Variants in SLCO5A1 observed in about 807,000 individuals in gnomAD.
SLCO5A1 encodes organic anion transporter polypeptide-related protein 4.
SLCO5A1 carries 39 observed loss-of-function variants against 65.1 expected under a neutral mutation model. That is an observed-to-expected ratio of 0.60 (90% CI 0.46 to 0.78). SLCO5A1 has a LOEUF of 0.78. SLCO5A1 is among the 30% of genes least tolerant of loss of function. The pLI, the probability that SLCO5A1 is intolerant of heterozygous loss-of-function variation, is 0.00. For synonymous variants in SLCO5A1, 438 were observed against 415.7 expected, an observed-to-expected ratio of 1.05 and a Z score of -0.65; for missense variants, 1,029 against 1,069.4, an observed-to-expected ratio of 0.96 and a Z score of 0.53.
chr8:69,747,467 T>G (rs1353809780), intron 4 of SLCO5A1, among the ~76,000 whole-genome samples: 3 of 152,224 alleles, frequency 2.0e-5, no homozygotes, highest in Admixed American at 2.0e-4. Context: ...CACATCAGAC[T>G]TTTTTATTAT....
chr8:69,828,341 G>A (rs1194518033), intron 2 of SLCO5A1, among the ~76,000 whole-genome samples: 3 of 151,726 alleles, frequency 2.0e-5, no homozygotes, highest in Admixed American at 6.6e-5. Flanking sequence ...AGTGGCTCAC[G>A]CCTGTAATCC....
intron 2 of SLCO5A1, among the ~76,000 whole-genome samples, chr8:69,784,883 GAAA>G (rs1454071248): frequency 3.4e-4 from 33 of 96,186 alleles, no homozygotes; most frequent in African/African-American, 1.1e-3. Context: ...GAGAAAGAAA[GAAA>G]GAAGAAAGGA....
chr8:69,680,715 A>C (rs1337008642), intron 7 of SLCO5A1, among the ~76,000 whole-genome samples: 1 of 152,178 alleles, frequency 6.6e-6, no homozygotes. Context: ...ACTGCTTTCC[A>C]CGGTGTCTAA....
intron 6 of SLCO5A1, among the ~76,000 whole-genome samples, chr8:69,694,139 T>C (rs985686370): frequency 1.3e-5 from 2 of 152,212 alleles, no homozygotes; most frequent in African/African-American, 2.4e-5. Context: ...TGTGTGTGCA[T>C]GCAGGTGCGT....
chr8:69,705,725 T>A (rs747789606), intron 5 of SLCO5A1, among the ~76,000 whole-genome samples: 4 of 152,258 alleles, frequency 2.6e-5, no homozygotes, highest in Non-Finnish European at 4.4e-5. Flanking sequence ...AAAATTTTTT[T>A]AATTTAAAAA....
rs1323454984 is a variant in SLCO5A1 at position 69,668,081 on chromosome 8, G to C, written c.*4788C>G. 5 of 152,160 alleles carry C rather than the reference G, an allele frequency of 3.3e-5. No homozygotes were observed. Among genetic ancestry groups the C allele is most frequent in the African/African-American group, 9.7e-5 (4 of 41,406 alleles). 9.4% of individuals were successfully genotyped at this position (152,160 alleles called of 1,614,324 possible). On this transcript the variant is annotated 3_prime_UTR_variant, in exon 10 of 10. Coordinates refer to ENST00000260126, the MANE Select transcript of SLCO5A1 (RefSeq NM_030958.3). ...TGTTGCAAAAGCAAACACCTAGGGAGGGTTTTTTGTTTTCTGTTTTTTGTT... is the reference window on the plus strand; with the variant it reads ...TGTTGCAAAAGCAAACACCTAGGGACGGTTTTTTGTTTTCTGTTTTTTGTT...
intron 2 of SLCO5A1, among the ~76,000 whole-genome samples, chr8:69,765,132 G>A (rs1446237919): frequency 6.6e-6 from 1 of 152,080 alleles, no homozygotes. Flanking sequence ...GTGTGCCTGT[G>A]TGTATATATA....
intron 2 of SLCO5A1, among the ~76,000 whole-genome samples, chr8:69,796,929 T>C (rs1049700213): frequency 2.0e-5 from 3 of 152,202 alleles, no homozygotes; most frequent in African/African-American, 7.2e-5. Context: ...TAGTTTCTAA[T>C]AAGTTCCTTA....
In SLCO5A1 at chr8:69,719,419, T is replaced by C. The variant is rs148615993; in HGVS notation, c.1424-14190A>G. 5.1e-3 allele frequency among the ~76,000 whole-genome samples: 774 copies of C among 152,304 alleles called. 6 individuals are homozygous for C. Among genetic ancestry groups the C allele is most frequent in the Non-Finnish European group, 5.9e-3 (398 of 68,020 alleles). On this transcript the variant is annotated intron_variant, in intron 5 of 9. Transcript: ENST00000260126. ...TCTATGAGAACTTAGGTTTCAAAAA[T>C]CCATTAATTAATCAACCTTATAGAA...
intron 2 of SLCO5A1, among the ~76,000 whole-genome samples, chr8:69,780,677 C>T (rs954976626): frequency 3.9e-5 from 6 of 151,968 alleles, no homozygotes; most frequent in Non-Finnish European, 8.8e-5. Flanking sequence ...GGATGATGAG[C>T]GATTACTTAA....
At chr8:69,753,153 T>C (rs1817392341) in intron 4 of SLCO5A1, among the ~76,000 whole-genome samples, 1 of 152,132 alleles carries the variant, frequency 6.6e-6, no homozygotes, top group South Asian at 2.1e-4. Flanking sequence ...CGCATCTAAG[T>C]AATTTATTGG....
At chr8:69,820,247 T>C (rs990180876) in intron 2 of SLCO5A1, among the ~76,000 whole-genome samples, 13 of 152,300 alleles carry the variant, frequency 8.5e-5, no homozygotes, top group African/African-American at 3.1e-4. Flanking sequence ...AGGTGAGTGA[T>C]AACTGAGACA....
chr8:69,686,866 G>C (rs1239739719), intron 6 of SLCO5A1, among the ~76,000 whole-genome samples: 1 of 152,126 alleles, frequency 6.6e-6, no homozygotes, highest in African/African-American at 2.4e-5. Context: ...GTGTGAGTCG[G>C]AAAGAGCTGG....
intron 6 of SLCO5A1, among the ~76,000 whole-genome samples, chr8:69,687,850 A>G (rs528499845): frequency 6.6e-6 from 1 of 151,562 alleles, no homozygotes; most frequent in East Asian, 1.9e-4. Flanking sequence ...TAACATATAT[A>G]TAATTTTAAC....
At chr8:69,761,913 G>A (rs368111520) in intron 2 of SLCO5A1, 38 bp from the exon 3 acceptor site, 46 of 1,606,490 alleles carry the variant, frequency 2.9e-5, no homozygotes, top group African/African-American at 9.4e-5. Context: ...ATACAGCGAC[G>A]TTTTATTACA....
Position 69,719,979 on chromosome 8 carries a change from G to A in SLCO5A1, c.1424-14750C>T, listed in dbSNP as rs192655866. ...AGTCTCTCCAATTCCTTAATTTCCC[G>A]CAACAATTGGGTAGAAATTACTAGA... On this transcript the variant is annotated intron_variant, in intron 5 of 9. Transcript: ENST00000260126. Among the ~76,000 whole-genome samples, 106 of 152,138 alleles carry A rather than the reference G, an allele frequency of 7.0e-4. 1 individual carries two copies. Among genetic ancestry groups the A allele is most frequent in the African/African-American group, 2.4e-3 (101 of 41,506 alleles).
chr8:69,715,876 T>G (rs2380582), intron 5 of SLCO5A1, among the ~76,000 whole-genome samples: 1 of 151,928 alleles, frequency 6.6e-6, no homozygotes, highest in Non-Finnish European at 1.5e-5. Flanking sequence ...TACAGTTTAA[T>G]GTTTTTAGTA....
chr8:69,786,071 C>G (rs559113129), intron 2 of SLCO5A1, among the ~76,000 whole-genome samples: 43 of 152,232 alleles, frequency 2.8e-4, no homozygotes, highest in African/African-American at 9.6e-4. Flanking sequence ...ATTCTGATGC[C>G]TGACCACAGA....
intron 6 of SLCO5A1, among the ~76,000 whole-genome samples, chr8:69,699,823 T>C (rs1814648233): frequency 6.6e-6 from 1 of 152,204 alleles, no homozygotes; most frequent in African/African-American, 2.4e-5. Context: ...AATTTTGCAA[T>C]TAAAAATATG....
Sources: gnomAD v4.1 joint callset for allele counts (sites outside exome capture counted in the v4.1 genomes callset) on GRCh38, gnomAD v4.1.1 for gene constraint, MANE v1.5 for transcripts, NCBI Gene and HGNC (gene_info 2026-07-23, HGNC 2026-07-21) for gene names.